Variants in ADAMTS9 observed in about 807,000 individuals in gnomAD.
The protein encoded by ADAMTS9 is A disintegrin and metalloproteinase with thrombospondin motifs 9.
ADAMTS9 carries 107 observed loss-of-function variants against 257.1 expected under a neutral mutation model. The observed-to-expected ratio is 0.42, with a 90% CI of 0.36 to 0.49. The LOEUF (loss-of-function observed/expected upper bound fraction) is 0.49. ADAMTS9 is among the 20% of genes least tolerant of loss of function. ADAMTS9 has a pLI of 0.03. For synonymous variants in ADAMTS9, 982 were observed against 880.9 expected, an observed-to-expected ratio of 1.11 and a Z score of -2.03; for missense variants, 2,353 against 2,469.1, an observed-to-expected ratio of 0.95 and a Z score of 1.00.
At chr3:64,665,906 G>A (rs1701344430) in intron 3 of ADAMTS9, among the ~76,000 whole-genome samples, 1 of 152,058 alleles carries the variant, frequency 6.6e-6, no homozygotes, top group African/African-American at 2.4e-5. Flanking sequence ...AAATAAGAAA[G>A]CATATAGAGA....
chr3:64,639,312 T>TAA (rs761906399), intron 12 of ADAMTS9, among the ~76,000 whole-genome samples: 6 of 89,244 alleles, frequency 6.7e-5, no homozygotes, highest in African/African-American at 1.9e-4. Flanking sequence ...TTTTTTTTTT[T>TAA]AAAAAAAAAA....
chr3:64,607,214 C>T (rs1028694499), intron 22 of ADAMTS9, 135 bp from the exon 23 acceptor site: 21 of 1,093,110 alleles, frequency 1.9e-5, no homozygotes, highest in African/African-American at 4.7e-5. Flanking sequence ...TAAACTAGGT[C>T]GAAGTGGGCA....
Position 64,604,468 on chromosome 3 carries a change from A to G in ADAMTS9, c.3475-137T>C, listed in dbSNP as rs576852883. 3.7e-5 allele frequency: 22 copies of G among 586,968 alleles called. No individual in the cohort carries two copies. In the South Asian group the frequency reaches 6.4e-4, roughly 17 times the overall value. The allele number at this position is 586,968 out of a possible 1,614,324, so 36.4% of individuals were successfully genotyped here. On this transcript the variant is annotated intron_variant, in intron 23 of 39. Transcript: ENST00000498707. The stretch of plus-strand genomic sequence containing the variant: ...TTCTGTGTGAATCTGGGCAAGTCAC[A>G]TGACATCTCTCAGTCCCAATGTCTT...
intron 16 of ADAMTS9, among the ~76,000 whole-genome samples, chr3:64,628,249 A>T (rs1363011721): frequency 6.6e-6 from 1 of 152,204 alleles, no homozygotes. Context: ...CTGAATAATA[A>T]AAGGTTATCA....
chr3:64,676,338 G>T (rs1404162389), intron 3 of ADAMTS9, among the ~76,000 whole-genome samples: 1 of 152,058 alleles, frequency 6.6e-6, no homozygotes, highest in Non-Finnish European at 1.5e-5. Flanking sequence ...CATTTTATCT[G>T]TATTTTCTGA....
In ADAMTS9 at chr3:64,561,703, G is replaced by A; in HGVS notation, c.4573C>T (p.Gln1525Ter). The change falls in exon 30 of 40, where the codon CAG becomes TAG. Residue 1525 changes from glutamine (Q) to a stop codon, truncating the protein, a stop_gained. Coordinates refer to ENST00000498707, the MANE Select transcript of ADAMTS9 (RefSeq NM_182920.2). LOFTEE classifies it high-confidence loss of function. ...CTGGCTATTTTGTGTGTTCCGATCT[G>A]ACAGCCCACATGCCTCTGCTGTACG... ...RGVQQRHVGC[Q>*]IGTHKIARET... The A allele has an allele frequency of 6.2e-7, 1 of 1,608,882 alleles. No homozygotes were observed. Among genetic ancestry groups the A allele is most frequent in the Non-Finnish European group, 8.5e-7 (1 of 1,177,688 alleles).
intron 28 of ADAMTS9, chr3:64,583,027 A>G (rs1483796699): frequency 6.6e-6 from 1 of 152,216 alleles, no homozygotes; most frequent in Non-Finnish European, 1.5e-5. Context: ...AGGAATCTCT[A>G]TATATGAACT....
At chr3:64,556,714 TTTCCTTCCTTCCTTCC>T (rs59682586) in intron 30 of ADAMTS9, among the ~76,000 whole-genome samples, 113 of 138,204 alleles carry the variant, frequency 8.2e-4, no homozygotes, top group African/African-American at 3.0e-3. Flanking sequence ...TCTATGTTTT[TTTCCTTCCTTCCTTCC>T]TTCCTTCCTT....
intron 28 of ADAMTS9, among the ~76,000 whole-genome samples, chr3:64,577,103 T>C (rs189941525): frequency 6.7e-4 from 102 of 152,314 alleles, no homozygotes; most frequent in African/African-American, 2.3e-3. Context: ...TAGGGCTCTT[T>C]TTGTTCTCCA....
chr3:64,575,040 C>T (rs749030138), intron 28 of ADAMTS9, among the ~76,000 whole-genome samples: 9 of 152,146 alleles, frequency 5.9e-5, no homozygotes, highest in Admixed American at 4.6e-4. Context: ...CCACATTTCC[C>T]CTTGACTGAA....
intron 28 of ADAMTS9, 63 bp from the exon 29 acceptor site, chr3:64,568,598 A>T: frequency 6.3e-7 from 1 of 1,586,496 alleles, no homozygotes; most frequent in South Asian, 1.2e-5. Context: ...TTGAGAAAAA[A>T]CCTGCGTCTT....
intron 15 of ADAMTS9, 47 bp downstream of exon 15, chr3:64,631,761 A>G: frequency 2.0e-6 from 3 of 1,520,082 alleles, no homozygotes; most frequent in Non-Finnish European, 1.8e-6. Context: ...ACAATTTTCA[A>G]ACTTTGACCA....
intron 3 of ADAMTS9, among the ~76,000 whole-genome samples, chr3:64,678,732 C>A (rs1701683206): frequency 6.6e-6 from 1 of 152,190 alleles, no homozygotes; most frequent in Admixed American, 6.5e-5. Flanking sequence ...CTACCTGGTT[C>A]CAGAGGTGTC....
chr3:64,649,605 G>A (rs776325167), intron 10 of ADAMTS9, 32 bp downstream of exon 10: 2 of 1,578,088 alleles, frequency 1.3e-6, no homozygotes, highest in South Asian at 2.3e-5. Context: ...AGAATCAGTA[G>A]ATGAGGGCAG....
chr3:64,606,903 G>A (rs200612586), intron 23 of ADAMTS9, 57 bp downstream of exon 23: 1,425 of 1,602,680 alleles, frequency 8.9e-4, no homozygotes, highest in Non-Finnish European at 1.2e-3. Flanking sequence ...AAACAGCTGG[G>A]CAGTTTGGTA....
At chr3:64,530,445 A>G (rs568574776) in intron 38 of ADAMTS9, among the ~76,000 whole-genome samples, 1 of 151,124 alleles carries the variant, frequency 6.6e-6, no homozygotes, top group East Asian at 2.0e-4. Flanking sequence ...CAGCTCCCAG[A>G]TATTCATGAG....
chr3:64,604,372 G>T, intron 23 of ADAMTS9, 41 bp from the exon 24 acceptor site: 1 of 1,392,114 alleles, frequency 7.2e-7, no homozygotes, highest in Non-Finnish European at 9.9e-7. Flanking sequence ...TCACTTTCAA[G>T]TCAATGCACT....
chr3:64,542,775 C>T (rs1352055679), intron 32 of ADAMTS9, among the ~76,000 whole-genome samples: 1 of 152,044 alleles, frequency 6.6e-6, no homozygotes, highest in Non-Finnish European at 1.5e-5. Context: ...CAGAGCAGAA[C>T]TGAAGGAGAT....
chr3:64,593,653 C>G (rs1168649681), intron 28 of ADAMTS9, among the ~76,000 whole-genome samples: 3 of 152,196 alleles, frequency 2.0e-5, no homozygotes, highest in African/African-American at 7.2e-5. Flanking sequence ...CCCAAACGGG[C>G]TTCCTATCTC....
Sources: gnomAD v4.1 joint callset for allele counts (sites outside exome capture counted in the v4.1 genomes callset) on GRCh38, gnomAD v4.1.1 for gene constraint, MANE v1.5 for transcripts, NCBI Gene and HGNC (gene_info 2026-07-23, HGNC 2026-07-21) for gene names.